The following EMG1 variants were observed in gnomAD, a reference collection of about 807,000 sequenced individuals.
The protein encoded by EMG1 is EMG1 N1-specific pseudouridine methyltransferase.
In EMG1, 24 loss-of-function variants were observed where a neutral mutation model predicts 26.9. The observed-to-expected ratio is 0.89, with a 90% CI of 0.65 to 1.26. The LOEUF is 1.26. EMG1 is among the 50% of genes most tolerant of loss of function. EMG1 has a pLI of 0.00. For missense variants in EMG1, 299 were observed against 307.6 expected, an observed-to-expected ratio of 0.97 and a Z score of 0.21; for synonymous variants, 140 against 112.6, an observed-to-expected ratio of 1.24 and a Z score of -1.54.
chr12:6,974,149 T>TC (rs1274400423), intron 1 of EMG1, among the ~76,000 whole-genome samples, 190 bp from the exon 2 acceptor site: 22 of 152,176 alleles, frequency 1.4e-4, no homozygotes, highest in African/African-American at 5.1e-4. Flanking sequence ...TGCACAGTAA[T>TC]CCCCCGAAGG....
chr12:6,980,774 T>C (rs1388973322), downstream of EMG1: 2 of 369,270 alleles, frequency 5.4e-6, no homozygotes, highest in African/African-American at 2.1e-5. Context: ...CAAAATCCTG[T>C]GGCATAAATG....
At chr12:6,971,273 T>C (rs1946323657) in intron 1 of EMG1, among the ~76,000 whole-genome samples, 182 bp downstream of exon 1, 1 of 145,074 alleles carries the variant, frequency 6.9e-6, no homozygotes, top group African/African-American at 2.8e-5. Flanking sequence ...CATTTTTCTT[T>C]CTTTTTTTTT....
chr12:6,975,436 C>A (rs1321917755), intron 5 of EMG1, 58 bp downstream of exon 5: 48 of 1,506,100 alleles, frequency 3.2e-5, no homozygotes, highest in Non-Finnish European at 2.7e-6. Context: ...TATAGAATTC[C>A]CAGAGCAGTA....
At position 6,979,448 on chromosome 12, in the gene EMG1, C is replaced by T; in HGVS notation, c.*3639C>T. On this transcript the variant is annotated 3_prime_UTR_variant, in exon 6 of 6. Transcript: ENST00000599672. The stretch of plus-strand genomic sequence containing the variant: ...TTCTAGCTCTGGTGCAGTCATGCTG[C>T]TGCTGCTTTAGTAGACACTCACGTC... The T allele has an allele frequency of 6.5e-7, 1 of 1,540,350 alleles. No individual in the cohort carries two copies. The highest frequency in any genetic ancestry group is 1.1e-5 in the South Asian group (1 of 89,526).
chr12:6,976,048 G>A lies in EMG1; in HGVS notation c.*239G>A, dbSNP rs1946396253. ...TTTGTTCCCCGGGACTTCAGGGACA[G>A]ATAGGAGGTTACAGAGTTTGCAGTT... is the stretch of plus-strand genomic sequence containing the variant. On this transcript the variant is annotated 3_prime_UTR_variant, in exon 6 of 6. Coordinates refer to ENST00000599672, the MANE Select transcript of EMG1 (RefSeq NM_006331.8). 9.3e-6 allele frequency: 4 copies of A among 429,704 alleles called. No individual in the cohort carries two copies. The South Asian group carries it at 1.5e-4, about 16-fold the overall frequency. 26.6% of individuals were successfully genotyped at this position (429,704 alleles called of 1,614,324 possible). A position where few individuals can be genotyped will look rare whatever the true frequency, so the allele number is the denominator to read the frequency against.
rs1216198668 is a variant in EMG1, at chr12:6,978,124, C to T, written c.*2315C>T. ...GGCAGAGCTGGAGTAACACCCAGGT[C>T]TTAACGCACTTTTATATCTTGCCTT... On this transcript the variant is annotated 3_prime_UTR_variant, in exon 6 of 6. Coordinates refer to ENST00000599672, the MANE Select transcript of EMG1 (RefSeq NM_006331.8). The T allele has an allele frequency of 1.7e-6, 1 of 593,736 alleles. No homozygotes were observed. Among genetic ancestry groups the T allele is most frequent in the Non-Finnish European group, 2.9e-6 (1 of 344,380 alleles). 36.8% of individuals were successfully genotyped at this position (593,736 alleles called of 1,614,324 possible).
At chr12:6,990,139 C>T (rs781798561), downstream of EMG1, among the ~76,000 whole-genome samples, 4 of 151,338 alleles carry the variant, frequency 2.6e-5, no homozygotes, top group Admixed American at 6.6e-5. Flanking sequence ...GATGATGCCA[C>T]TGCACTCCAG....
In EMG1 at chr12:6,978,223, G is replaced by C. The variant is rs1555153567; in HGVS notation, c.*2414G>C. 1 of 1,220,174 alleles carries C rather than the reference G, an allele frequency of 8.2e-7. No homozygotes were observed. The highest frequency in any genetic ancestry group is 1.5e-5 in the South Asian group (1 of 66,674). 75.6% of individuals were successfully genotyped at this position (1,220,174 alleles called of 1,614,324 possible). On this transcript the variant is annotated 3_prime_UTR_variant, in exon 6 of 6. Transcript: ENST00000599672. ...GGGGTCAAAGTCAGTGTGAGCGACAGGGGGTTCTGCCCAGATGGGAAAGAC... is the reference window on the plus strand; with the variant it reads ...GGGGTCAAAGTCAGTGTGAGCGACACGGGGTTCTGCCCAGATGGGAAAGAC...
chr12:6,983,971 C>T (rs1233691987), downstream of EMG1, among the ~76,000 whole-genome samples: 4 of 152,110 alleles, frequency 2.6e-5, no homozygotes, highest in Non-Finnish European at 4.4e-5. Flanking sequence ...AGCGAAACCC[C>T]GTCTCTATTA....
chr12:6,979,305 G>A lies in EMG1; in HGVS notation c.*3496G>A. 1 of 625,492 alleles carries A rather than the reference G, an allele frequency of 1.6e-6. No homozygotes were observed. The highest frequency in any genetic ancestry group is 2.6e-5 in the Admixed American group (1 of 38,164). The allele number at this position is 625,492 out of a possible 1,614,324, so 38.7% of individuals were successfully genotyped here. A position where few individuals can be genotyped will look rare whatever the true frequency, so the allele number is the denominator to read the frequency against. ...CGAAGGTTGTTCAGTGCTGGCTGATGAACATGTCCCAGCACGGCTGGCATT... is the reference window on the plus strand; with the variant it reads ...CGAAGGTTGTTCAGTGCTGGCTGATAAACATGTCCCAGCACGGCTGGCATT... On this transcript the variant is annotated 3_prime_UTR_variant, in exon 6 of 6. Transcript: ENST00000599672.
At chr12:6,974,247 G>A in intron 1 of EMG1, 92 bp from the exon 2 acceptor site, 1 of 891,206 alleles carries the variant, frequency 1.1e-6, no homozygotes, top group South Asian at 1.4e-5. Context: ...AGGTGCAGCT[G>A]CTGCTGGTAG....
downstream of EMG1, chr12:6,981,708 CAGAA>C: frequency 1.1e-6 from 1 of 918,896 alleles, no homozygotes; most frequent in Non-Finnish European, 1.7e-6. Flanking sequence ...TGAGTGCAGC[CAGAA>C]GTGTATGGCG....
downstream of EMG1, chr12:6,982,723 T>C: frequency 1.2e-6 from 2 of 1,614,028 alleles, no homozygotes; most frequent in Non-Finnish European, 1.7e-6. Context: ...GTGCGGCCCA[T>C]TAGTCGAAGG....
intron 7 of EMG1, among the ~76,000 whole-genome samples, chr12:6,995,861 T>G (rs1262889320): frequency 6.6e-6 from 1 of 152,202 alleles, no homozygotes; most frequent in Non-Finnish European, 1.5e-5. Context: ...CTGGTCTGAG[T>G]TGCCACTATC....
At position 6,978,754 on chromosome 12, in the gene EMG1, T is replaced by C. The variant is rs1946437801; in HGVS notation, c.*2945T>C. On this transcript the variant is annotated 3_prime_UTR_variant, in exon 6 of 6. Transcript: ENST00000599672. Reference sequence around the variant, plus strand: ...GACTAGGCAGTTTCTCTCAGCACTCTTCCTTTTCACACTTGTGGCTGGCTA... The same window carrying C: ...GACTAGGCAGTTTCTCTCAGCACTCCTCCTTTTCACACTTGTGGCTGGCTA... 1.3e-6 allele frequency: 2 copies of C among 1,591,950 alleles called. No individual in the cohort carries two copies. Among genetic ancestry groups the C allele is most frequent in the African/African-American group, 1.3e-5 (1 of 74,576 alleles).
downstream of EMG1, among the ~76,000 whole-genome samples, chr12:6,992,770 A>G (rs781890461): frequency 3.3e-5 from 5 of 152,068 alleles, no homozygotes; most frequent in Non-Finnish European, 7.4e-5. Context: ...GGTTTTGAAT[A>G]CAGTTATCTC....
intron 7 of EMG1, among the ~76,000 whole-genome samples, chr12:6,994,367 C>T (rs1946617762): frequency 6.6e-6 from 1 of 151,982 alleles, no homozygotes; most frequent in Non-Finnish European, 1.5e-5. Context: ...ACCACCATGC[C>T]CAGCTAATTT....
downstream of EMG1, chr12:6,982,951 G>C (rs1034613728): frequency 7.5e-6 from 5 of 664,978 alleles, no homozygotes; most frequent in Admixed American, 2.4e-5. Context: ...AAATAAAAAA[G>C]ATTATTAGGG....
chr12:6,975,493 C>G (rs782207461), intron 5 of EMG1, 115 bp downstream of exon 5: 41 of 1,194,702 alleles, frequency 3.4e-5, no homozygotes, highest in Non-Finnish European at 4.6e-5. Flanking sequence ...CATGACAGTT[C>G]CACACCCTGC....
Sources: gnomAD v4.1 joint callset for allele counts (sites outside exome capture counted in the v4.1 genomes callset) on GRCh38, gnomAD v4.1.1 for gene constraint, MANE v1.5 for transcripts, NCBI Gene and HGNC (gene_info 2026-07-23, HGNC 2026-07-21) for gene names.